Variants in GRIN2B observed in about 807,000 individuals in gnomAD.
GRIN2B encodes the protein glutamate receptor ionotropic, NMDA 2B.
Under a neutral mutation model 114.5 loss-of-function variants are expected in GRIN2B, and 5 were observed. The observed-to-expected ratio is 0.04, with a 90% CI of 0.02 to 0.09. The LOEUF (loss-of-function observed/expected upper bound fraction) is 0.09, where lower values mean the gene tolerates loss of function less well. GRIN2B is among the 10% of genes least tolerant of loss of function. The pLI is 1.00. For missense variants in GRIN2B, 1,108 were observed against 1,943.5 expected (o/e 0.57, Z 8.08); for synonymous variants, 787 against 745.1 (o/e 1.06, Z -0.92).
chr12:13,727,193 A>C (rs1863004952), intron 4 of GRIN2B, among the ~76,000 whole-genome samples: 1 of 152,146 alleles, frequency 6.6e-6, no homozygotes, highest in Non-Finnish European at 1.5e-5. Context: ...AAATAAGGAG[A>C]GTAAGACACA....
chr12:13,875,419 T>C (rs956590232), intron 2 of GRIN2B, among the ~76,000 whole-genome samples: 8 of 152,008 alleles, frequency 5.3e-5, no homozygotes, highest in African/African-American at 1.9e-4. Context: ...CCCAGCTACT[T>C]GGGAGGCTGA....
chr12:13,682,605 A>T (rs1362946011), intron 4 of GRIN2B, among the ~76,000 whole-genome samples: 1 of 152,200 alleles, frequency 6.6e-6, no homozygotes, highest in Non-Finnish European at 1.5e-5. Flanking sequence ...TGTTAAGTTA[A>T]TGAGATATAT....
chr12:13,719,553 G>T (rs530053943), intron 4 of GRIN2B, among the ~76,000 whole-genome samples: 5 of 152,098 alleles, frequency 3.3e-5, no homozygotes, highest in African/African-American at 1.2e-4. Context: ...CTACATGGTG[G>T]TACCTGAATA....
In GRIN2B at chr12:13,938,586, A is replaced by T. The variant is rs1867171993; in HGVS notation, c.-19+41342T>A. Reference sequence around the variant, plus strand: ...AACAAACTACTGATATGTGCAATAAAATAGGCAAATCTCAGTTTGCTAAGC... The same window carrying T: ...AACAAACTACTGATATGTGCAATAATATAGGCAAATCTCAGTTTGCTAAGC... On this transcript the variant is annotated intron_variant, in intron 2 of 13. Transcript: ENST00000609686. Among the ~76,000 whole-genome samples the T allele has an allele frequency of 1.3e-5, 2 of 152,224 alleles. 1 individual carries two copies. Among genetic ancestry groups the T allele is most frequent in the South Asian group, 4.1e-4 (2 of 4,834 alleles).
chr12:13,727,344 C>A (rs1407656970), intron 4 of GRIN2B, among the ~76,000 whole-genome samples: 2 of 152,144 alleles, frequency 1.3e-5, no homozygotes, highest in Admixed American at 1.3e-4. Flanking sequence ...TCTATGTTTT[C>A]TGGTGGTTTC....
intron 5 of GRIN2B, among the ~76,000 whole-genome samples, chr12:13,620,550 C>T (rs1218071693): frequency 6.6e-6 from 1 of 152,136 alleles, no homozygotes; most frequent in Non-Finnish European, 1.5e-5. Context: ...TATCTACCAC[C>T]TTCTTTAATG....
intron 10 of GRIN2B, among the ~76,000 whole-genome samples, chr12:13,572,419 G>C (rs1255406426): frequency 1.3e-5 from 2 of 152,166 alleles, no homozygotes; most frequent in African/African-American, 4.8e-5. Flanking sequence ...TTAGTGAGGT[G>C]AGCTATGTGG....
chr12:13,837,625 A>T (rs1865297907), intron 3 of GRIN2B, among the ~76,000 whole-genome samples: 1 of 152,202 alleles, frequency 6.6e-6, no homozygotes, highest in Non-Finnish European at 1.5e-5. Flanking sequence ...CTAAGTTCAC[A>T]CAGACAGGAG....
At chr12:13,665,436 A>C (rs2136530973) in intron 5 of GRIN2B, among the ~76,000 whole-genome samples, 1 of 152,224 alleles carries the variant, frequency 6.6e-6, no homozygotes, top group Non-Finnish European at 1.5e-5. Context: ...ACATTTCTAT[A>C]GTGTGACTTG....
chr12:13,597,974 T>C (rs977816233), intron 10 of GRIN2B, among the ~76,000 whole-genome samples: 5 of 152,156 alleles, frequency 3.3e-5, no homozygotes, highest in African/African-American at 1.2e-4. Flanking sequence ...CTCAACGTGA[T>C]GCCAGCTCTT....
intron 2 of GRIN2B, among the ~76,000 whole-genome samples, chr12:13,960,707 A>G (rs1468906958): frequency 6.6e-6 from 1 of 152,214 alleles, no homozygotes; most frequent in Admixed American, 6.5e-5. Context: ...GTGAAGAAGC[A>G]GAGAAAACAG....
At position 13,553,556 on chromosome 12, in the gene GRIN2B, T is replaced by C. The variant is rs2136391501; in HGVS notation, c.*9227A>G. 6.6e-6 allele frequency: 1 copy of C among 152,212 alleles called. No individual in the cohort carries two copies. The highest frequency in any genetic ancestry group is 1.9e-4 in the East Asian group (1 of 5,164). 9.4% of individuals were successfully genotyped at this position (152,212 alleles called of 1,614,324 possible). A position where few individuals can be genotyped will look rare whatever the true frequency, so the allele number is the denominator to read the frequency against. ...CAGACAGTTCCCCCAAGGCCACAAA[T>C]GTGGAAGTAGCGTGTGGTGAAATAC... On this transcript the variant is annotated 3_prime_UTR_variant, in exon 14 of 14. Coordinates refer to ENST00000609686, the MANE Select transcript of GRIN2B (RefSeq NM_000834.5).
intron 3 of GRIN2B, among the ~76,000 whole-genome samples, chr12:13,810,186 C>T (rs1864700412): frequency 6.6e-6 from 1 of 150,950 alleles, no homozygotes; most frequent in Non-Finnish European, 1.5e-5. Flanking sequence ...ACAGTACTTA[C>T]TTTCCGCATA....
chr12:13,703,692 T>G (rs937835555), intron 4 of GRIN2B, among the ~76,000 whole-genome samples: 2 of 152,180 alleles, frequency 1.3e-5, no homozygotes, highest in Non-Finnish European at 2.9e-5. Flanking sequence ...ATTTAGGATG[T>G]TTTCAATTCA....
At chr12:13,813,774 G>C (rs1864773611) in intron 3 of GRIN2B, among the ~76,000 whole-genome samples, 1 of 152,078 alleles carries the variant, frequency 6.6e-6, no homozygotes, top group Non-Finnish European at 1.5e-5. Context: ...TTCCTTTTTT[G>C]AATTGAGTCC....
intron 4 of GRIN2B, among the ~76,000 whole-genome samples, chr12:13,748,866 C>T (rs973604052): frequency 1.3e-5 from 2 of 152,174 alleles, no homozygotes; most frequent in Non-Finnish European, 2.9e-5. Flanking sequence ...AACAAATATT[C>T]ATTTGGTATA....
At chr12:13,946,566 A>T (rs1244987347) in intron 2 of GRIN2B, among the ~76,000 whole-genome samples, 3 of 152,018 alleles carry the variant, frequency 2.0e-5, no homozygotes, top group African/African-American at 7.2e-5. Flanking sequence ...TATATATATA[A>T]AAGTTTCAGT....
intron 4 of GRIN2B, among the ~76,000 whole-genome samples, chr12:13,690,908 G>A (rs1012534958): frequency 6.6e-6 from 1 of 152,124 alleles, no homozygotes; most frequent in African/African-American, 2.4e-5. Flanking sequence ...CATTTTGTCA[G>A]TTTGGAAAGA....
intron 2 of GRIN2B, among the ~76,000 whole-genome samples, chr12:13,952,636 T>C (rs1409478975): frequency 6.6e-6 from 1 of 152,090 alleles, no homozygotes; most frequent in African/African-American, 2.4e-5. Context: ...ATTTAAAAGA[T>C]CCTGAATATC....
Sources: allele counts gnomAD v4.1 joint callset (sites outside exome capture counted in the v4.1 genomes callset), GRCh38; gene constraint gnomAD v4.1.1; transcripts MANE v1.5; gene names NCBI Gene and HGNC (gene_info 2026-07-23, HGNC 2026-07-21).